Variants in AGMO observed in about 807,000 individuals in gnomAD.
AGMO encodes alkylglycerol monooxygenase, also known as glyceryl-ether monooxygenase.
Under a neutral mutation model 60.2 loss-of-function variants are expected in AGMO, and 75 were observed. That is an observed-to-expected ratio of 1.25 (90% CI 1.03 to 1.51). The LOEUF (loss-of-function observed/expected upper bound fraction) is 1.51. Among genes scored for constraint, AGMO ranks in the 40% most tolerant of loss-of-function variants. The pLI, the probability that AGMO is intolerant of heterozygous loss-of-function variation, is 0.00. For synonymous variants in AGMO, 261 were observed against 177.1 expected (o/e 1.47, Z -3.76); for missense variants, 763 against 525.5 (o/e 1.45, Z -4.42).
chr7:15,160,860 G>A, the AGMO span, among the ~76,000 whole-genome samples: 2 of 152,122 alleles, frequency 1.3e-5, no homozygotes, highest in Admixed American at 6.6e-5. Flanking sequence ...ATGAGGCTGA[G>A]TAATTTACAA....
At chr7:15,366,243 T>C in intron 10 of AGMO, 21 bp from the exon 11 acceptor site, 1 of 1,572,080 alleles carries the variant, frequency 6.4e-7, no homozygotes, top group South Asian at 1.1e-5. Context: ...AACACGGAGA[T>C]CAATGGAGCC....
At chr7:15,368,549 T>C (rs1783075708) in intron 10 of AGMO, among the ~76,000 whole-genome samples, 1 of 152,160 alleles carries the variant, frequency 6.6e-6, no homozygotes, top group Non-Finnish European at 1.5e-5. Context: ...AGCTATGCGT[T>C]TGGTACATTT....
At chr7:15,348,410 A>G (rs1483579111) in intron 12 of AGMO, among the ~76,000 whole-genome samples, 1 of 152,126 alleles carries the variant, frequency 6.6e-6, no homozygotes, top group East Asian at 1.9e-4. Flanking sequence ...AAAAGAAGCC[A>G]GAAAAATGCT....
the AGMO span, among the ~76,000 whole-genome samples, chr7:15,184,370 A>AGAAGGGAGGGAG: frequency 2.3e-4 from 1 of 4,436 alleles, no homozygotes; most frequent in Non-Finnish European, 4.9e-4. Context: ...AAGGAAGGGA[A>AGAAGGGAGGGAG]GGAAGGAAGG....
chr7:15,482,195 A>G (rs1782773200), intron 3 of AGMO, among the ~76,000 whole-genome samples: 1 of 152,062 alleles, frequency 6.6e-6, no homozygotes, highest in Admixed American at 6.6e-5. Context: ...CAGGAAACAA[A>G]TGTGTGGTAC....
the AGMO span, among the ~76,000 whole-genome samples, chr7:15,166,075 T>C: frequency 6.6e-6 from 1 of 152,192 alleles, no homozygotes; most frequent in Non-Finnish European, 1.5e-5. Flanking sequence ...CCAGGCCTTG[T>C]ATACATTCTT....
In AGMO at chr7:15,220,719, T is replaced by C. The variant is rs539669314; in HGVS notation, c.1264-19360A>G. Reference sequence around the variant, plus strand: ...AACCTTATTTCAAAACCATTTAAATTTAGAACCGATTGTAAAACCAAGCCC... The same window carrying C: ...AACCTTATTTCAAAACCATTTAAATCTAGAACCGATTGTAAAACCAAGCCC... On this transcript the variant is annotated intron_variant, in intron 12 of 12. Transcript: ENST00000342526. 1.4e-4 allele frequency among the ~76,000 whole-genome samples: 22 copies of C among 152,120 alleles called. 1 individual carries two copies. In the South Asian group the frequency reaches 4.6e-3, roughly 32 times the overall value.
At chr7:15,196,846 GA>G (rs377362783), downstream of AGMO, among the ~76,000 whole-genome samples, 117 of 152,270 alleles carry the variant, frequency 7.7e-4, no homozygotes, top group African/African-American at 2.6e-3. Flanking sequence ...CTGGGTGGTT[GA>G]AAATGTTTAC....
chr7:15,274,469 A>T (rs1783717971), intron 12 of AGMO, among the ~76,000 whole-genome samples: 1 of 152,198 alleles, frequency 6.6e-6, no homozygotes, highest in African/African-American at 2.4e-5. Flanking sequence ...GGTGAAGCCC[A>T]CTTGATCATG....
At chr7:15,358,516 G>T (rs529006143) in intron 12 of AGMO, 3 of 452,246 alleles carry the variant, frequency 6.6e-6, no homozygotes, top group South Asian at 1.6e-5. Flanking sequence ...AATTAGGAGG[G>T]TAAGAATCCC....
chr7:15,186,775 T>C, the AGMO span, among the ~76,000 whole-genome samples: 1 of 152,190 alleles, frequency 6.6e-6, no homozygotes, highest in Non-Finnish European at 1.5e-5. Context: ...TTTCATTGTC[T>C]GCCGCCACCG....
the AGMO span, among the ~76,000 whole-genome samples, chr7:15,173,635 T>C: frequency 6.6e-6 from 1 of 152,076 alleles, no homozygotes; most frequent in Non-Finnish European, 1.5e-5. Context: ...AACTACTATA[T>C]TGTAATGTTA....
intron 12 of AGMO, among the ~76,000 whole-genome samples, chr7:15,217,493 A>C (rs1334253280): frequency 6.6e-6 from 1 of 152,168 alleles, no homozygotes; most frequent in Non-Finnish European, 1.5e-5. Flanking sequence ...AGCAGGAAAG[A>C]TATTATAAAG....
chr7:15,500,594 G>C (rs1430963353), intron 3 of AGMO, among the ~76,000 whole-genome samples: 1 of 151,592 alleles, frequency 6.6e-6, no homozygotes, highest in Non-Finnish European at 1.5e-5. Flanking sequence ...AATTTCCCAG[G>C]AAAAATATTT....
chr7:15,521,663 A>G (rs933964572), intron 3 of AGMO, among the ~76,000 whole-genome samples: 2 of 152,194 alleles, frequency 1.3e-5, no homozygotes, highest in Admixed American at 6.5e-5. Context: ...CATGTTAAAA[A>G]CACTCAATAA....
intron 10 of AGMO, among the ~76,000 whole-genome samples, chr7:15,376,259 A>C (rs569454313): frequency 6.6e-6 from 1 of 152,048 alleles, no homozygotes; most frequent in Non-Finnish European, 1.5e-5. Flanking sequence ...AAGGGGATAG[A>C]CTAGAGAAAA....
chr7:15,294,731 G>A (rs1158668981), intron 12 of AGMO, among the ~76,000 whole-genome samples: 2 of 151,776 alleles, frequency 1.3e-5, no homozygotes, highest in African/African-American at 4.8e-5. Context: ...AGAATTGTTC[G>A]AGACTTATTA....
At chr7:15,140,943 C>T in the AGMO span, among the ~76,000 whole-genome samples, 2 of 152,230 alleles carry the variant, frequency 1.3e-5, no homozygotes, top group Admixed American at 6.5e-5. Context: ...GTTTGGGGCT[C>T]TTTGACAATA....
chr7:15,554,266 T>A (rs906473245), intron 2 of AGMO, among the ~76,000 whole-genome samples: 1 of 152,166 alleles, frequency 6.6e-6, no homozygotes, highest in African/African-American at 2.4e-5. Flanking sequence ...GAATTTAAAC[T>A]GTCTAAACTC....
Sources: allele counts gnomAD v4.1 joint callset (sites outside exome capture counted in the v4.1 genomes callset), GRCh38; gene constraint gnomAD v4.1.1; transcripts MANE v1.5; gene names NCBI Gene and HGNC (gene_info 2026-07-23, HGNC 2026-07-21).